Variants in SMC6 observed in about 807,000 individuals in gnomAD.
SMC6 encodes the protein structural maintenance of chromosomes protein 6.
Under a neutral mutation model 142.2 loss-of-function variants are expected in SMC6, and 79 were observed. The ratio of observed to expected loss-of-function variants is 0.56; its 90% CI spans 0.46 to 0.67. SMC6 has a LOEUF of 0.67. Ranked by LOEUF, SMC6 falls within the 30% of genes least tolerant of loss-of-function variation. The pLI, the probability that SMC6 is intolerant of heterozygous loss-of-function variation, is 0.00. For missense variants in SMC6, 1,072 were observed against 1,284.0 expected (o/e 0.83, Z 2.52); for synonymous variants, 411 against 412.4 (o/e 1.00, Z 0.04).
intron 2 of SMC6, among the ~76,000 whole-genome samples, chr2:17,750,042 T>C (rs1670948886): frequency 6.6e-6 from 1 of 152,228 alleles, no homozygotes; most frequent in Non-Finnish European, 1.5e-5. Flanking sequence ...GCTTGGAATA[T>C]ATCACGAAAT....
intron 18 of SMC6, among the ~76,000 whole-genome samples, chr2:17,705,876 G>A (rs1249253676): frequency 6.6e-6 from 1 of 152,068 alleles, no homozygotes; most frequent in African/African-American, 2.4e-5. Flanking sequence ...TATGTGAGTT[G>A]TTTGTGTGGG....
chr2:17,717,320 A>G (rs1572321930), intron 12 of SMC6, 144 bp from the exon 13 acceptor site: 1 of 550,152 alleles, frequency 1.8e-6, no homozygotes, highest in East Asian at 3.2e-5. Flanking sequence ...TGAAACCATT[A>G]CATTTTTTAA....
chr2:17,693,498 G>A (rs534140687), intron 23 of SMC6, among the ~76,000 whole-genome samples: 1 of 151,932 alleles, frequency 6.6e-6, no homozygotes, highest in South Asian at 2.1e-4. Flanking sequence ...TGAACAACGA[G>A]AACACATGGA....
intron 18 of SMC6, 21 bp downstream of exon 18, chr2:17,707,198 A>G: frequency 6.7e-7 from 1 of 1,501,972 alleles, no homozygotes. Context: ...ATGATACAGT[A>G]AAGCTAAACT....
chr2:17,722,346 A>G (rs1217511920), intron 9 of SMC6, among the ~76,000 whole-genome samples: 1 of 152,074 alleles, frequency 6.6e-6, no homozygotes, highest in East Asian at 1.9e-4. Flanking sequence ...CCCCTTTTCT[A>G]TCTTCTCAAA....
intron 4 of SMC6, among the ~76,000 whole-genome samples, chr2:17,739,352 T>C (rs1231259525): frequency 6.6e-6 from 1 of 151,684 alleles, no homozygotes; most frequent in East Asian, 1.9e-4. Flanking sequence ...AAAAATAAAA[T>C]TAAGCAGGCT....
At position 17,707,367 on chromosome 2, in the gene SMC6, C is replaced by A; in HGVS notation, c.1858G>T (p.Ala620Ser). 1 of 1,535,016 alleles carries A rather than the reference C, an allele frequency of 6.5e-7. No homozygotes were observed. The highest frequency in any genetic ancestry group is 1.3e-5 in the South Asian group (1 of 76,156). The change falls in exon 18 of 28, where the codon GCT (alanine) becomes TCT (serine). Residue 620 changes from alanine (A) to serine (S), a missense_variant. Around this residue, in one of 3 missense-constraint regions of SMC6, gnomAD observed 994 missense variants for 1,153.2 expected, o/e 0.86. Transcript: ENST00000448223. ...TTTTGGGACTGCATTACTGCACGAGCTACAGAATTATTCTAAAAGAATAGA... is the reference window on the plus strand; with the variant it reads ...TTTTGGGACTGCATTACTGCACGAGATACAGAATTATTCTAAAAGAATAGA... ...TVLLIKNNSVARAVMQSQKPP... is the reference protein window; with the variant it reads ...TVLLIKNNSVSRAVMQSQKPP...
At chr2:17,737,282 A>G (rs1203442053) in intron 5 of SMC6, among the ~76,000 whole-genome samples, 1 of 152,238 alleles carries the variant, frequency 6.6e-6, no homozygotes, top group Non-Finnish European at 1.5e-5. Flanking sequence ...ATAAAATAGA[A>G]GGTAAATGGA....
At chr2:17,687,558 A>G (rs1405727178) in intron 23 of SMC6, among the ~76,000 whole-genome samples, 1 of 152,300 alleles carries the variant, frequency 6.6e-6, no homozygotes, top group Middle Eastern at 3.4e-3. Flanking sequence ...AAGAAAACAC[A>G]TATGAACCTG....
chr2:17,714,750 T>C, intron 16 of SMC6, 111 bp downstream of exon 16: 7 of 1,149,908 alleles, frequency 6.1e-6, no homozygotes. Context: ...CTTGATGAAA[T>C]TTTACAAATC....
intron 26 of SMC6, among the ~76,000 whole-genome samples, chr2:17,668,722 T>C (rs1026922429): frequency 3.2e-4 from 48 of 152,068 alleles, no homozygotes; most frequent in African/African-American, 1.2e-3. Context: ...TCCTGAAAGA[T>C]GAGTAGAGTG....
intron 16 of SMC6, among the ~76,000 whole-genome samples, chr2:17,711,840 A>T (rs760899493): frequency 1.3e-5 from 2 of 152,176 alleles, no homozygotes; most frequent in Non-Finnish European, 2.9e-5. Context: ...GCTGGTCTTA[A>T]ATGCCTGGGA....
At chr2:17,725,110 C>A in intron 9 of SMC6, 147 bp downstream of exon 9, 1 of 566,416 alleles carries the variant, frequency 1.8e-6, no homozygotes. Context: ...GGAATATAAA[C>A]ACTACATTGC....
intron 16 of SMC6, among the ~76,000 whole-genome samples, chr2:17,713,768 A>AT (rs1364961509): frequency 1.3e-5 from 2 of 152,184 alleles, no homozygotes; most frequent in Non-Finnish European, 2.9e-5. Context: ...TGCAAATGCT[A>AT]TTTTTTGCAG....
At chr2:17,680,658 G>A (rs1366450916) in intron 24 of SMC6, 2 of 152,148 alleles carry the variant, frequency 1.3e-5, no homozygotes, top group Non-Finnish European at 2.9e-5. Context: ...CAGGTGTACT[G>A]TCAATGAGCA....
chr2:17,726,392 G>C lies in SMC6; in HGVS notation c.621C>G (p.Tyr207Ter). The C allele has an allele frequency of 1.2e-6, 2 of 1,609,402 alleles. No homozygotes were observed. Among genetic ancestry groups the C allele is most frequent in the Non-Finnish European group, 1.7e-6 (2 of 1,177,824 alleles). Residue 207 changes from tyrosine (Y) to a stop codon, truncating the protein, a stop_gained, in exon 8 of 28, where the codon TAC becomes TAG. Transcript: ENST00000448223. LOFTEE classifies it high-confidence loss of function. ...FLQSKNEGDK[Y>*]KFFMKATQLE... ...TATTTACTTTGGTGCCACTTACTTT[G>C]TATTTGTCTCCTTCATTTTTAGACT...
intron 26 of SMC6, among the ~76,000 whole-genome samples, chr2:17,670,076 G>A (rs1666683997): frequency 1.3e-5 from 2 of 152,212 alleles, no homozygotes; most frequent in Non-Finnish European, 2.9e-5. Context: ...GTGGTGAACA[G>A]GTTATAATTT....
At chr2:17,679,235 A>C in intron 24 of SMC6, 1 of 307,150 alleles carries the variant, frequency 3.3e-6, no homozygotes, top group Non-Finnish European at 6.0e-6. Context: ...AATATAACCC[A>C]TTATACCACA....
chr2:17,679,499 A>G (rs1667145940), intron 24 of SMC6: 1 of 152,152 alleles, frequency 6.6e-6, no homozygotes, highest in Non-Finnish European at 1.5e-5. Flanking sequence ...TTCCTTCTCT[A>G]TATATTAGAT....
Sources: allele counts gnomAD v4.1 joint callset (sites outside exome capture counted in the v4.1 genomes callset), GRCh38; gene constraint gnomAD v4.1.1; regional missense constraint gnomAD v4.1.1; transcripts MANE v1.5; gene names NCBI Gene and HGNC (gene_info 2026-07-23, HGNC 2026-07-21).